MSRA: variants seen among roughly 807,000 people sequenced by gnomAD.
MSRA encodes mitochondrial peptide methionine sulfoxide reductase.
A neutral mutation model predicts 31.3 loss-of-function variants in MSRA; 54 were observed. The ratio of observed to expected loss-of-function variants is 1.73; its 90% confidence interval spans 1.39 to 2.17. The LOEUF is 2.17. MSRA is among the 30% of genes most tolerant of loss of function. The pLI, the probability that MSRA is intolerant of heterozygous loss-of-function variation, is 0.00. For synonymous variants in MSRA, 169 were observed against 116.5 expected, an observed-to-expected ratio of 1.45 and a Z score of -2.90; for missense variants, 507 against 300.9, an observed-to-expected ratio of 1.69 and a Z score of -5.07.
Position 10,246,017 on chromosome 8 carries a change from C to G in MSRA, c.331+794C>G, listed in dbSNP as rs375199809. Among the ~76,000 whole-genome samples the G allele has an allele frequency of 7.2e-5, 11 of 151,926 alleles. No homozygotes were observed. The East Asian group carries it at 9.6e-4, about 13-fold the overall frequency. ...AATGCAGGGATCAGCAAACTATTGA[C>G]TTGACTCATAGGCCAAATCCCACTT... On this transcript the variant is annotated intron_variant, in intron 3 of 5. Coordinates refer to ENST00000317173, the MANE Select transcript of MSRA (RefSeq NM_012331.5).
chr8:10,394,328 C>T (rs189054530), intron 5 of MSRA, among the ~76,000 whole-genome samples: 6 of 152,308 alleles, frequency 3.9e-5, no homozygotes, highest in African/African-American at 1.4e-4. Flanking sequence ...GTACCAGATC[C>T]TACCACACAG....
intron 5 of MSRA, among the ~76,000 whole-genome samples, chr8:10,395,160 CG>C (rs972706331): frequency 2.0e-5 from 3 of 152,042 alleles, no homozygotes; most frequent in Non-Finnish European, 4.4e-5. Flanking sequence ...TTTTGGTGGC[CG>C]GGGGGAAGAC....
Position 10,299,846 on chromosome 8 carries a change from T to A in MSRA, c.332-1688T>A, listed in dbSNP as rs1176629428. Among the ~76,000 whole-genome samples, 3 of 152,218 alleles carry A rather than the reference T, an allele frequency of 2.0e-5. No homozygotes were observed. In the East Asian group the frequency reaches 5.8e-4, roughly 29 times the overall value. On this transcript the variant is annotated intron_variant, in intron 3 of 5. Transcript: ENST00000317173. ...AGCTAGGCATCAAGAAATTTAAAAA[T>A]GTTTAGAAACATTGATTTAGAAATT... is the stretch of plus-strand genomic sequence containing the variant.
At chr8:10,289,987 A>T (rs561535452) in intron 3 of MSRA, among the ~76,000 whole-genome samples, 1 of 152,170 alleles carries the variant, frequency 6.6e-6, no homozygotes, top group Non-Finnish European at 1.5e-5. Flanking sequence ...TATGTCTGTT[A>T]TTGCTCTTAA....
At chr8:10,315,910 A>C (rs1801685677) in intron 4 of MSRA, among the ~76,000 whole-genome samples, 1 of 152,262 alleles carries the variant, frequency 6.6e-6, no homozygotes, top group Non-Finnish European at 1.5e-5. Context: ...CCTTTTACAC[A>C]AACAAAATTC....
chr8:10,374,874 C>G (rs1422606396), intron 5 of MSRA, among the ~76,000 whole-genome samples: 2 of 152,160 alleles, frequency 1.3e-5, no homozygotes, highest in African/African-American at 4.8e-5. Flanking sequence ...GTGCTGTCCT[C>G]ACGGTAATAA....
At chr8:10,326,676 A>T (rs746648855) in intron 5 of MSRA, 10 of 152,128 alleles carry the variant, frequency 6.6e-5, no homozygotes, top group Non-Finnish European at 1.3e-4. Flanking sequence ...AGACTTGATA[A>T]TCTTTTCTTA....
rs565673603 is a variant in MSRA at position 10,193,459 on chromosome 8, T to C, written c.143-14374T>C. On this transcript the variant is annotated intron_variant, in intron 1 of 5. Coordinates refer to ENST00000317173, the MANE Select transcript of MSRA (RefSeq NM_012331.5). ...GTCATTACAGAATCCATCAAAGAAG[T>C]GTCCATTGCTAGAATGTGCAAGTTT... Among the ~76,000 whole-genome samples the C allele has an allele frequency of 3.9e-5, 6 of 152,342 alleles. No homozygotes were observed. In the South Asian group the frequency reaches 1.0e-3, roughly 26 times the overall value.
intron 3 of MSRA, among the ~76,000 whole-genome samples, chr8:10,277,955 G>T (rs897835611): frequency 6.6e-6 from 1 of 152,164 alleles, no homozygotes; most frequent in Non-Finnish European, 1.5e-5. Context: ...TGAAGGAATT[G>T]TAAGAGTAGT....
chr8:10,329,370 C>T (rs1374478777), intron 5 of MSRA, among the ~76,000 whole-genome samples: 1 of 152,226 alleles, frequency 6.6e-6, no homozygotes, highest in Non-Finnish European at 1.5e-5. Flanking sequence ...TGGCCTGTGG[C>T]TGCATCACTC....
chr8:10,223,924 G>T (rs1490334435), intron 2 of MSRA, among the ~76,000 whole-genome samples: 1 of 152,146 alleles, frequency 6.6e-6, no homozygotes, highest in Non-Finnish European at 1.5e-5. Context: ...GTGACAGTGT[G>T]TTCAGATGGA....
intron 2 of MSRA, among the ~76,000 whole-genome samples, chr8:10,225,934 T>G (rs962609825): frequency 6.6e-6 from 1 of 152,150 alleles, no homozygotes; most frequent in African/African-American, 2.4e-5. Flanking sequence ...CAGAAAGACG[T>G]AAGGTGTAAA....
At chr8:10,296,744 A>G (rs2129121999) in intron 3 of MSRA, among the ~76,000 whole-genome samples, 1 of 152,256 alleles carries the variant, frequency 6.6e-6, no homozygotes, top group Middle Eastern at 3.4e-3. Context: ...GGTCCCGAGG[A>G]AAGGCATGGC....
At chr8:10,166,762 T>G (rs1370287205) in intron 1 of MSRA, among the ~76,000 whole-genome samples, 1 of 152,206 alleles carries the variant, frequency 6.6e-6, no homozygotes, top group Non-Finnish European at 1.5e-5. Flanking sequence ...TGCTTGTTGG[T>G]GGTTTTGCCC....
At chr8:10,129,928 C>T (rs1313608603) in intron 1 of MSRA, among the ~76,000 whole-genome samples, 1 of 152,056 alleles carries the variant, frequency 6.6e-6, no homozygotes, top group African/African-American at 2.4e-5. Flanking sequence ...ATATATAAAA[C>T]CTGTGACATA....
rs545825533 is a variant in MSRA, at chr8:10,360,619, G to A, written c.543+40630G>A. On this transcript the variant is annotated intron_variant, in intron 5 of 5. Coordinates refer to ENST00000317173, the MANE Select transcript of MSRA (RefSeq NM_012331.5). Reference sequence around the variant, plus strand: ...ATTGTTCTGTGTGCAACATGGATTCGATAAATGTTTGTAGCATACACGAAA... The same window carrying A: ...ATTGTTCTGTGTGCAACATGGATTCAATAAATGTTTGTAGCATACACGAAA... Among the ~76,000 whole-genome samples, 20 of 152,276 alleles carry A rather than the reference G, an allele frequency of 1.3e-4. No homozygotes were observed. The South Asian group carries it at 3.7e-3, about 28-fold the overall frequency.
chr8:10,060,605 C>T (rs150321624), intron 1 of MSRA, among the ~76,000 whole-genome samples: 1 of 151,460 alleles, frequency 6.6e-6, no homozygotes, highest in Non-Finnish European at 1.5e-5. Context: ...TAATTGACCA[C>T]CTTTCTGTCA....
chr8:10,164,773 G>A (rs566246030), intron 1 of MSRA, among the ~76,000 whole-genome samples: 1 of 152,222 alleles, frequency 6.6e-6, no homozygotes, highest in Non-Finnish European at 1.5e-5. Flanking sequence ...GCTCAAGCCT[G>A]TAATCCCAGC....
chr8:10,256,363 A>T (rs946085740), intron 3 of MSRA, among the ~76,000 whole-genome samples: 4 of 152,146 alleles, frequency 2.6e-5, no homozygotes, highest in Non-Finnish European at 4.4e-5. Context: ...TTGCTTGTCT[A>T]TTCCCCTGCC....
Sources: gnomAD v4.1 joint callset for allele counts (sites outside exome capture counted in the v4.1 genomes callset) on GRCh38, gnomAD v4.1.1 for gene constraint, MANE v1.5 for transcripts, NCBI Gene and HGNC (gene_info 2026-07-23, HGNC 2026-07-21) for gene names.